Variants in IQCE observed in about 807,000 individuals in gnomAD.
IQCE encodes IQ domain-containing protein E.
IQCE carries 115 observed loss-of-function variants against 96.0 expected under a neutral mutation model. The observed-to-expected ratio is 1.20, with a 90% CI of 1.03 to 1.40. The LOEUF is 1.40. Ranked by LOEUF, IQCE falls within the 40% of genes most tolerant of loss-of-function variation. IQCE has a pLI of 0.00. For missense variants in IQCE, 1,041 were observed against 909.1 expected (o/e 1.15, Z -1.87); for synonymous variants, 412 against 371.2 (o/e 1.11, Z -1.26).
rs1039219541 is a variant in IQCE, at chr7:2,591,911, C to T, written c.1245-1111C>T. 2.0e-5 allele frequency among the ~76,000 whole-genome samples: 3 copies of T among 150,012 alleles called. No individual in the cohort carries two copies. The East Asian group carries it at 5.9e-4, about 30-fold the overall frequency. On this transcript the variant is annotated intron_variant, in intron 14 of 21. Transcript: ENST00000402050. ...TGCTGGGATTACAGGCGTGAGCCAC[C>T]GCACCCGGGCCTGCCTCGGCCTCCC...
chr7:2,566,990 T>C, intron 1 of IQCE, 126 bp from the exon 2 acceptor site: 1 of 760,170 alleles, frequency 1.3e-6, no homozygotes, highest in South Asian at 1.6e-5. Flanking sequence ...CTGAGTGGCC[T>C]CAGAGCTGGA....
At chr7:2,571,428 G>T in intron 3 of IQCE, 98 bp from the exon 4 acceptor site, 2 of 1,501,746 alleles carry the variant, frequency 1.3e-6, no homozygotes, top group Middle Eastern at 1.7e-4. Flanking sequence ...CACCACGCTC[G>T]TGGATTTTGT....
chr7:2,575,195 A>G (rs145528579), intron 6 of IQCE, among the ~76,000 whole-genome samples: 124 of 152,286 alleles, frequency 8.1e-4, no homozygotes, highest in African/African-American at 2.7e-3. Flanking sequence ...CTCTTGCTCA[A>G]TCCTGTGTTG....
intron 1 of IQCE, among the ~76,000 whole-genome samples, chr7:2,565,256 CGT>C (rs139694552): frequency 0.17 from 25,577 of 148,370 alleles, 2,567 homozygotes; most frequent in African/African-American, 0.28. Context: ...TGTGTGCATG[CGT>C]GTGTGTGTGT....
At chr7:2,587,587 C>T (rs1477165712) in intron 12 of IQCE, among the ~76,000 whole-genome samples, 1 of 152,116 alleles carries the variant, frequency 6.6e-6, no homozygotes, top group African/African-American at 2.4e-5. Context: ...AAGGATGTCA[C>T]CCCGAGATGC....
intron 8 of IQCE, among the ~76,000 whole-genome samples, chr7:2,581,476 G>A (rs948121324): frequency 6.6e-6 from 1 of 152,152 alleles, no homozygotes; most frequent in Non-Finnish European, 1.5e-5. Flanking sequence ...AAAGTGCTGG[G>A]ATTATAGGCG....
chr7:2,579,700 GGTGTGTGTGTGTGTGTGT>G lies in IQCE; in HGVS notation c.630+1195_630+1212del, dbSNP rs68086038. On this transcript the variant is annotated intron_variant, in intron 8 of 21. Transcript: ENST00000402050. ...GGCTCCATGTTTTTGTTGTTCTGGTGGTGTGTGTGTGTGTGTGTGTGTGTGTGTGTGTGTGTGTCTGTG... is the reference window on the plus strand; with the variant it reads ...GGCTCCATGTTTTTGTTGTTCTGGTGGTGTGTGTGTGTGTGTGTGTCTGTG... 1.1e-4 allele frequency among the ~76,000 whole-genome samples: 14 copies of G among 133,006 alleles called. No individual in the cohort carries two copies. The Admixed American group carries it at 1.1e-3, about 10-fold the overall frequency. 87.3% of individuals were successfully genotyped at this position (133,006 alleles called of 152,430 possible). A position where few individuals can be genotyped will look rare whatever the true frequency, so the allele number is the denominator to read the frequency against.
intron 1 of IQCE, among the ~76,000 whole-genome samples, chr7:2,564,591 C>G (rs997148446): frequency 1.3e-5 from 2 of 150,878 alleles, no homozygotes; most frequent in Admixed American, 6.6e-5. Context: ...AGGCGAGATT[C>G]TGTCTCAAAA....
At chr7:2,562,285 C>CATATATATATATATATATATATATAT (rs59044593) in intron 1 of IQCE, among the ~76,000 whole-genome samples, 2 of 146,248 alleles carry the variant, frequency 1.4e-5, no homozygotes, top group African/African-American at 5.1e-5. Flanking sequence ...AATTAGGGTA[C>CATATATATATATATATATATATATAT]ATATATATAT....
At chr7:2,560,097 C>G (rs976256524) in intron 1 of IQCE, among the ~76,000 whole-genome samples, 1 of 152,138 alleles carries the variant, frequency 6.6e-6, no homozygotes, top group African/African-American at 2.4e-5. Context: ...GAGGTGGAAG[C>G]TACAGTGAAC....
Position 2,589,942 on chromosome 7 carries a change from C to T in IQCE, c.1080C>T (p.Ala360=), listed in dbSNP as rs371849816. The T allele has an allele frequency of 7.0e-5, 113 of 1,613,928 alleles. No individual in the cohort carries two copies. Among genetic ancestry groups the T allele is most frequent in the African/African-American group, 6.4e-4 (48 of 75,058 alleles). ...LSVMESSKSH[A]AEPVRSHPPA... ...TGATGGAGAGCTCAAAATCACACGC[C>T]GCAGAGCCAGTCAGATCACACCCGC... Residue 360 remains alanine (A), a synonymous_variant, in exon 14 of 22, where the codon GCC becomes GCT. Coordinates refer to ENST00000402050, the MANE Select transcript of IQCE (RefSeq NM_152558.5).
chr7:2,586,217 G>C lies in IQCE; in HGVS notation c.834G>C (p.Gly278=). Residue 278 remains glycine, a synonymous_variant, in exon 12 of 22, where the codon GGG becomes GGC. Transcript: ENST00000402050. ...SSETTGKKPL[G]EKKTGAKRQK... is the part of the protein sequence containing the mutation. ...GATTTGGTTGTTCCAGGCCCCTGGGGGAGAAGAAGACGGGCGCCAAAAGGC... is the reference window on the plus strand; with the variant it reads ...GATTTGGTTGTTCCAGGCCCCTGGGCGAGAAGAAGACGGGCGCCAAAAGGC... The C allele has an allele frequency of 6.2e-7, 1 of 1,613,648 alleles. No individual in the cohort carries two copies. Among genetic ancestry groups the C allele is most frequent in the Admixed American group, 1.7e-5 (1 of 59,932 alleles).
intron 8 of IQCE, chr7:2,580,360 A>T (rs566105429): frequency 6.6e-6 from 1 of 152,224 alleles, no homozygotes; most frequent in African/African-American, 2.4e-5. Flanking sequence ...CTGTAATCCC[A>T]GCACTTTGGG....
chr7:2,592,904 C>T (rs1783718529), intron 14 of IQCE, 118 bp from the exon 15 acceptor site: 1 of 1,101,892 alleles, frequency 9.1e-7, no homozygotes, highest in Non-Finnish European at 1.3e-6. Context: ...CTCCTCCTGC[C>T]CCACCATCCA....
At chr7:2,601,968 C>T (rs1272682242) in intron 18 of IQCE, 2 of 163,262 alleles carry the variant, frequency 1.2e-5, no homozygotes. Flanking sequence ...TTCATTCATT[C>T]CTTCCTTCCA....
At chr7:2,559,252 G>C in intron 1 of IQCE, 35 bp downstream of exon 1, 1 of 1,191,134 alleles carries the variant, frequency 8.4e-7, no homozygotes, top group Non-Finnish European at 1.0e-6. Flanking sequence ...CCGGGCGGGC[G>C]TCCGCGAGGC....
At chr7:2,592,111 A>C (rs1783645070) in intron 14 of IQCE, among the ~76,000 whole-genome samples, 1 of 152,180 alleles carries the variant, frequency 6.6e-6, no homozygotes, top group African/African-American at 2.4e-5. Flanking sequence ...TGTGTACTTT[A>C]GGGACTGAGA....
rs1202531801 is a variant in IQCE, at chr7:2,572,283, C to A, written c.351C>A (p.Thr117=). 1.2e-6 allele frequency: 2 copies of A among 1,614,210 alleles called. No homozygotes were observed. The highest frequency in any genetic ancestry group is 1.7e-6 in the Non-Finnish European group (2 of 1,180,018). ...PGGTPDCLTD[T]FRVKRPHLRR... is the part of the protein sequence containing the mutation. ...GCACTCCTGACTGTCTGACAGACAC[C>A]TTCAGAGTGAAGAGGCCACATCTCA... The change falls in exon 5 of 22, where the codon ACC becomes ACA. Residue 117 remains threonine (T), a synonymous_variant. Coordinates refer to ENST00000402050, the MANE Select transcript of IQCE (RefSeq NM_152558.5).
Position 2,581,859 on chromosome 7 carries a change from G to A in IQCE, c.631-721G>A, listed in dbSNP as rs1023850909. On this transcript the variant is annotated intron_variant, in intron 8 of 21. Transcript: ENST00000402050. Reference sequence around the variant, plus strand: ...CGAGTAGCTGGGACTACAGGCGCCCGCCACCGCGCCTGGCTAATTTTTTTT... The same window carrying A: ...CGAGTAGCTGGGACTACAGGCGCCCACCACCGCGCCTGGCTAATTTTTTTT... Among the ~76,000 whole-genome samples, 16 of 152,048 alleles carry A rather than the reference G, an allele frequency of 1.1e-4. No individual in the cohort carries two copies. In the East Asian group the frequency reaches 2.5e-3, roughly 24 times the overall value.
Sources: allele counts gnomAD v4.1 joint callset (sites outside exome capture counted in the v4.1 genomes callset), GRCh38; gene constraint gnomAD v4.1.1; transcripts MANE v1.5; gene names NCBI Gene and HGNC (gene_info 2026-07-23, HGNC 2026-07-21).